The following ATP8A2 variants were observed in gnomAD, a reference collection of about 807,000 sequenced individuals.
The protein encoded by ATP8A2 is ATPase phospholipid transporting 8A2.
A neutral mutation model predicts 165.6 loss-of-function variants in ATP8A2; 100 were observed. The ratio of observed to expected loss-of-function variants is 0.60; its 90% CI spans 0.51 to 0.71. ATP8A2 has a LOEUF of 0.71. ATP8A2 is among the 30% of genes least tolerant of loss of function. The probability of loss-of-function intolerance (pLI) is 0.00; values close to 1 mark genes in which losing one functional copy is unlikely to be tolerated. For missense variants in ATP8A2, 1,227 were observed against 1,479.5 expected (o/e 0.83, Z 2.80); for synonymous variants, 543 against 548.8 (o/e 0.99, Z 0.15).
chr13:25,505,211 G>A (rs1490193227), intron 2 of ATP8A2, among the ~76,000 whole-genome samples: 2 of 127,926 alleles, frequency 1.6e-5, no homozygotes, highest in Non-Finnish European at 3.2e-5. Context: ...GCGGGGGGGG[G>A]TGGTGGTCAC....
chr13:25,422,553 A>G (rs1253678607), intron 1 of ATP8A2, among the ~76,000 whole-genome samples: 3 of 152,238 alleles, frequency 2.0e-5, no homozygotes, highest in Non-Finnish European at 4.4e-5. Context: ...ATATATTGTC[A>G]TAAGAAACTC....
At chr13:25,564,084 C>G in intron 16 of ATP8A2, 53 bp downstream of exon 16, 1 of 1,291,200 alleles carries the variant, frequency 7.7e-7, no homozygotes, top group Non-Finnish European at 1.1e-6. Flanking sequence ...GTGCAACTTT[C>G]TTTTATATAT....
intron 24 of ATP8A2, among the ~76,000 whole-genome samples, chr13:25,674,825 A>G (rs1161812124): frequency 6.6e-6 from 1 of 152,220 alleles, no homozygotes; most frequent in African/African-American, 2.4e-5. Context: ...GTGGTATTGA[A>G]GTAAGAATTT....
chr13:25,504,717 G>A (rs1333439135), intron 2 of ATP8A2, among the ~76,000 whole-genome samples: 5 of 137,372 alleles, frequency 3.6e-5, no homozygotes, highest in African/African-American at 8.2e-5. Context: ...TCCGCAGTCC[G>A]GCCTGGGCGA....
intron 2 of ATP8A2, among the ~76,000 whole-genome samples, chr13:25,526,294 T>A (rs573274014): frequency 1.3e-5 from 2 of 152,262 alleles, no homozygotes; most frequent in African/African-American, 4.8e-5. Context: ...TTGTTAGGGT[T>A]AGTCACTGGA....
chr13:25,382,610 T>A (rs1381344420), intron 1 of ATP8A2, among the ~76,000 whole-genome samples: 1 of 152,218 alleles, frequency 6.6e-6, no homozygotes, highest in Non-Finnish European at 1.5e-5. Context: ...CTTTCAGTGT[T>A]TTGAATTTTA....
chr13:25,558,602 A>T (rs552408153), intron 13 of ATP8A2, among the ~76,000 whole-genome samples: 2 of 152,302 alleles, frequency 1.3e-5, no homozygotes, highest in South Asian at 4.1e-4. Context: ...AAGACCACTG[A>T]GAAACTGGAG....
intron 18 of ATP8A2, among the ~76,000 whole-genome samples, chr13:25,574,148 A>G (rs1389070497): frequency 6.6e-6 from 1 of 152,222 alleles, no homozygotes; most frequent in African/African-American, 2.4e-5. Context: ...GAATTTTTAG[A>G]TGGAAAAAAT....
Position 25,829,712 on chromosome 13 carries a change from ATATATAT to A in ATP8A2, c.2754+1521_2754+1527del, listed in dbSNP as rs1308617198. ...TATATATATATATATATATATATAT[ATATATAT>A]ATCACCTGCTTATAGTATGAGTGGA... On this transcript the variant is annotated intron_variant, in intron 28 of 36. Transcript: ENST00000381655. 5.8e-4 allele frequency among the ~76,000 whole-genome samples: 61 copies of A among 105,802 alleles called. 1 individual carries two copies. The highest frequency in any genetic ancestry group is 9.6e-4 in the Non-Finnish European group (51 of 53,262). 69.4% of individuals were successfully genotyped at this position (105,802 alleles called of 152,430 possible).
At chr13:25,949,321 G>A (rs1462402530) in intron 33 of ATP8A2, among the ~76,000 whole-genome samples, 1 of 152,234 alleles carries the variant, frequency 6.6e-6, no homozygotes, top group East Asian at 1.9e-4. Context: ...TTCAGATGGT[G>A]ACAAGGTGAG....
chr13:25,492,777 C>T (rs1010778335), intron 2 of ATP8A2, among the ~76,000 whole-genome samples: 3 of 152,176 alleles, frequency 2.0e-5, no homozygotes, highest in Admixed American at 2.0e-4. Flanking sequence ...GTTTCCATTA[C>T]CTGTTGGCTT....
intron 33 of ATP8A2, among the ~76,000 whole-genome samples, chr13:25,877,988 A>G (rs1230448170): frequency 6.6e-6 from 1 of 152,230 alleles, no homozygotes; most frequent in Non-Finnish European, 1.5e-5. Flanking sequence ...GCCCAAGAAA[A>G]TAACTAGTTT....
intron 25 of ATP8A2, among the ~76,000 whole-genome samples, chr13:25,705,919 A>G (rs554326216): frequency 1.3e-5 from 2 of 152,380 alleles, no homozygotes; most frequent in African/African-American, 4.8e-5. Context: ...ATATGAAAAC[A>G]CAGCAATTAA....
chr13:25,677,076 C>T (rs1023345348), intron 24 of ATP8A2, among the ~76,000 whole-genome samples: 5 of 152,200 alleles, frequency 3.3e-5, no homozygotes, highest in African/African-American at 4.8e-5. Flanking sequence ...ATGCCCTGCA[C>T]ACCATCTTCC....
chr13:25,666,262 T>G (rs1388726477), intron 24 of ATP8A2, among the ~76,000 whole-genome samples: 1 of 152,054 alleles, frequency 6.6e-6, no homozygotes. Flanking sequence ...CCAGGCTGGA[T>G]TGCAGTGGCA....
At chr13:25,858,900 G>C (rs1242185298) in intron 30 of ATP8A2, among the ~76,000 whole-genome samples, 1 of 152,032 alleles carries the variant, frequency 6.6e-6, no homozygotes, top group Non-Finnish European at 1.5e-5. Context: ...GAGAGGAAAG[G>C]CTTGAAAAAC....
chr13:25,896,518 G>T (rs1953553762), intron 33 of ATP8A2, among the ~76,000 whole-genome samples: 1 of 152,154 alleles, frequency 6.6e-6, no homozygotes, highest in East Asian at 1.9e-4. Context: ...TGTTGATTTG[G>T]GGTGGAGAGT....
Position 25,750,501 on chromosome 13 carries a change from T to C in ATP8A2, c.2385-18545T>C, listed in dbSNP as rs569536373. Reference sequence around the variant, plus strand: ...CGATTCTGACTCCCACCTGCTTCCATGTTGCTCTGCCCGGCTCCCATTCCG... The same window carrying C: ...CGATTCTGACTCCCACCTGCTTCCACGTTGCTCTGCCCGGCTCCCATTCCG... On this transcript the variant is annotated intron_variant, in intron 25 of 36. Coordinates refer to ENST00000381655, the MANE Select transcript of ATP8A2 (RefSeq NM_016529.6). The surrounding 1 kb of genome is among the most constrained non-coding windows in gnomAD (Gnocchi z 4.3). Among the ~76,000 whole-genome samples, 52 of 152,182 alleles carry C rather than the reference T, an allele frequency of 3.4e-4. 1 individual carries two copies. In the East Asian group the frequency reaches 9.5e-3, roughly 28 times the overall value.
chr13:25,588,064 T>C (rs2039971908), intron 23 of ATP8A2, among the ~76,000 whole-genome samples: 1 of 152,222 alleles, frequency 6.6e-6, no homozygotes. Flanking sequence ...TGTGTTTGTT[T>C]TAACAAGAGA....
Sources: gnomAD v4.1 joint callset for allele counts (sites outside exome capture counted in the v4.1 genomes callset) on GRCh38, gnomAD v4.1.1 for gene constraint, Gnocchi (gnomAD v3.1) non-coding constraint, MANE v1.5 for transcripts, NCBI Gene and HGNC (gene_info 2026-07-23, HGNC 2026-07-21) for gene names.